The following TSPEAR variants were observed in gnomAD, a reference collection of about 807,000 sequenced individuals.
The protein encoded by TSPEAR is thrombospondin type laminin G domain and EAR repeats.
A neutral mutation model predicts 71.6 loss-of-function variants in TSPEAR; 69 were observed. The observed-to-expected ratio is 0.96, with a 90% confidence interval of 0.79 to 1.18. The LOEUF (loss-of-function observed/expected upper bound fraction) is 1.18. Among genes scored for constraint, TSPEAR ranks in the 50% most tolerant of loss-of-function variants. The pLI is 0.00. For synonymous variants in TSPEAR, 402 were observed against 387.2 expected (o/e 1.04, Z -0.45); for missense variants, 971 against 894.9 (o/e 1.09, Z -1.09).
intron 1 of TSPEAR, among the ~76,000 whole-genome samples, chr21:44,704,092 C>G (rs1987788510): frequency 6.6e-6 from 1 of 152,226 alleles, no homozygotes; most frequent in Non-Finnish European, 1.5e-5. Context: ...CCAGTGCACT[C>G]TCCCTGCAAG....
At chr21:44,654,170 G>A in intron 1 of TSPEAR, 1 of 906,504 alleles carries the variant, frequency 1.1e-6, no homozygotes, top group Non-Finnish European at 1.8e-6. Flanking sequence ...GTCTAGTCAG[G>A]TGACGACAGT....
In TSPEAR at chr21:44,528,308, A is replaced by C. The variant is rs587756093; in HGVS notation, c.922+144T>G. The C allele has an allele frequency of 8.5e-5, 99 of 1,164,846 alleles. No individual in the cohort carries two copies. The African/African-American group carries it at 1.4e-3, about 16-fold the overall frequency. The allele number at this position is 1,164,846 out of a possible 1,614,324, so 72.2% of individuals were successfully genotyped here. ...GGGGTCAGGACTGATGCTGCCTCTCACTCTTAGAAGTGCCCCAGCCTGACG... is the reference window on the plus strand; with the variant it reads ...GGGGTCAGGACTGATGCTGCCTCTCCCTCTTAGAAGTGCCCCAGCCTGACG... On this transcript the variant is annotated intron_variant, in intron 6 of 11. Transcript: ENST00000323084.
At position 44,601,969 on chromosome 21, in the gene TSPEAR, C is replaced by A. The variant is rs1275309422; in HGVS notation, c.83-33964G>T. On this transcript the variant is annotated intron_variant, in intron 1 of 11. Transcript: ENST00000323084. ...CCCCAGCAACAGGTGGGCAGTGACC[C>A]CAGCAAGGCCAGCGGGTGCTCCCAG... 1.1e-5 allele frequency: 7 copies of A among 637,636 alleles called. No homozygotes were observed. In the Admixed American group the frequency reaches 2.1e-4, roughly 19 times the overall value. The allele number at this position is 637,636 out of a possible 1,614,324, so 39.5% of individuals were successfully genotyped here.
chr21:44,524,801 C>T (rs1473880164), intron 8 of TSPEAR, among the ~76,000 whole-genome samples: 1 of 151,228 alleles, frequency 6.6e-6, no homozygotes, highest in East Asian at 2.0e-4. Context: ...GTCAGGTAGT[C>T]ATTCAGATAG....
intron 1 of TSPEAR, chr21:44,697,806 T>C (rs1987445883): frequency 1.9e-6 from 3 of 1,613,332 alleles, no homozygotes; most frequent in South Asian, 1.1e-5. Flanking sequence ...TGCCGCCCTG[T>C]GTGCAGACCC....
rs115566418 is a variant in TSPEAR, at chr21:44,658,589, A to C, written c.82+52844T>G. Among the ~76,000 whole-genome samples the C allele has an allele frequency of 8.2e-3, 1,252 of 152,272 alleles. 12 individuals are homozygous for C. Among genetic ancestry groups the C allele is most frequent in the African/African-American group, 0.028 (1,177 of 41,530 alleles). ...TTTCGTAAGTTCTTTCCTTGAAGGT[A>C]CATACCAACTTCAATGGCAGCAGCA... On this transcript the variant is annotated intron_variant, in intron 1 of 11. Transcript: ENST00000323084.
chr21:44,558,562 A>G lies in TSPEAR; in HGVS notation c.303+9223T>C, dbSNP rs200710108. 601 of 1,613,226 alleles carry G rather than the reference A, an allele frequency of 3.7e-4. 1 individual carries two copies. In the African/African-American group the frequency reaches 5.2e-3, roughly 14 times the overall value. On this transcript the variant is annotated intron_variant, in intron 2 of 11. Coordinates refer to ENST00000323084, the MANE Select transcript of TSPEAR (RefSeq NM_144991.3). ...GCCTGGCAGCAGGGGCTGGACACAC[A>G]GCTCACTGGGGTGCAGACCAGGGTC...
chr21:44,661,168 G>A (rs1985468173), intron 1 of TSPEAR, among the ~76,000 whole-genome samples: 1 of 151,790 alleles, frequency 6.6e-6, no homozygotes, highest in Non-Finnish European at 1.5e-5. Context: ...CAGCTACTCG[G>A]GAGGCTGCGG....
chr21:44,650,962 C>G (rs1031675803), intron 1 of TSPEAR, among the ~76,000 whole-genome samples: 1 of 152,160 alleles, frequency 6.6e-6, no homozygotes, highest in Non-Finnish European at 1.5e-5. Flanking sequence ...GACAGGGTGA[C>G]ACTCCCTGAT....
intron 6 of TSPEAR, 84 bp from the exon 7 acceptor site, chr21:44,527,602 C>T (rs2145974470): frequency 7.3e-7 from 1 of 1,370,936 alleles, no homozygotes; most frequent in African/African-American, 1.4e-5. Context: ...GATTCCCAAG[C>T]CCCAAGTCAC....
intron 1 of TSPEAR, chr21:44,637,477 C>A: frequency 6.2e-7 from 1 of 1,613,216 alleles, no homozygotes; most frequent in Non-Finnish European, 8.5e-7. Context: ...GGCGGGTAGT[C>A]GACTGCCCAG....
At chr21:44,689,715 ATATATATATATAT>A (rs1404734067) in intron 1 of TSPEAR, among the ~76,000 whole-genome samples, 1 of 79,702 alleles carries the variant, frequency 1.3e-5, no homozygotes, top group Non-Finnish European at 2.5e-5. Context: ...TAGAATGAAT[ATATATATATATAT>A]ATATATATAT....
In TSPEAR at chr21:44,557,732, C is replaced by A. The variant is rs916500908; in HGVS notation, c.303+10053G>T. ...CCAGAGTCCCGAAGCTCCCACCCCA[C>A]GCGGCACGTTGAAGTTCTTCCCACA... On this transcript the variant is annotated intron_variant, in intron 2 of 11. Transcript: ENST00000323084. 12 of 385,996 alleles carry A rather than the reference C, an allele frequency of 3.1e-5. No homozygotes were observed. In the Admixed American group the frequency reaches 4.9e-4, roughly 16 times the overall value. 23.9% of individuals were successfully genotyped at this position (385,996 alleles called of 1,614,324 possible). A position where few individuals can be genotyped will look rare whatever the true frequency, so the allele number is the denominator to read the frequency against.
chr21:44,539,554 A>C, intron 2 of TSPEAR: 1 of 1,613,442 alleles, frequency 6.2e-7, no homozygotes, highest in African/African-American at 1.3e-5. Context: ...AGACGGGCAC[A>C]CAGCAGATGG....
intron 9 of TSPEAR, among the ~76,000 whole-genome samples, chr21:44,513,364 A>AC (rs201171747): frequency 2.5e-4 from 38 of 151,814 alleles, no homozygotes; most frequent in African/African-American, 4.6e-4. Flanking sequence ...GCAGTGTGGG[A>AC]CCCCCCTGTC....
chr21:44,698,873 C>T (rs1463164911), intron 1 of TSPEAR, among the ~76,000 whole-genome samples: 5 of 152,192 alleles, frequency 3.3e-5, no homozygotes, highest in Non-Finnish European at 7.3e-5. Flanking sequence ...AGATAAAGCT[C>T]CAGCCGGGGC....
At chr21:44,704,819 T>TG (rs1177112954) in intron 1 of TSPEAR, among the ~76,000 whole-genome samples, 2 of 100,694 alleles carry the variant, frequency 2.0e-5, no homozygotes, top group Non-Finnish European at 5.1e-5. Context: ...TCCCACCCAG[T>TG]GTCACGTCAC....
intron 1 of TSPEAR, among the ~76,000 whole-genome samples, chr21:44,705,977 C>A (rs926509850): frequency 2.6e-5 from 4 of 152,146 alleles, no homozygotes; most frequent in African/African-American, 9.7e-5. Flanking sequence ...CTCCCCCGGA[C>A]GCCCAGCTTT....
intron 1 of TSPEAR, among the ~76,000 whole-genome samples, chr21:44,707,305 G>A (rs1569271739): frequency 1.3e-5 from 2 of 152,050 alleles, no homozygotes; most frequent in Non-Finnish European, 2.9e-5. Context: ...CGCGGGGTGG[G>A]GGGGGGTGCG....
Sources: gnomAD v4.1 joint callset for allele counts (sites outside exome capture counted in the v4.1 genomes callset) on GRCh38, gnomAD v4.1.1 for gene constraint, MANE v1.5 for transcripts, NCBI Gene and HGNC (gene_info 2026-07-23, HGNC 2026-07-21) for gene names.